The following KDM6A variants were observed in gnomAD, a reference collection of about 807,000 sequenced individuals.
The protein encoded by KDM6A is lysine-specific demethylase 6A.
In KDM6A, 11 loss-of-function variants were observed where a neutral mutation model predicts 117.6. The observed-to-expected ratio is 0.09, with a 90% confidence interval of 0.06 to 0.15. The LOEUF (loss-of-function observed/expected upper bound fraction) is 0.15. KDM6A is among the 10% of genes least tolerant of loss of function. KDM6A has a pLI of 1.00. For missense variants in KDM6A, 799 were observed against 1,077.3 expected, an observed-to-expected ratio of 0.74 and a Z score of 3.62; for synonymous variants, 384 against 396.1, an observed-to-expected ratio of 0.97 and a Z score of 0.36.
chrX:44,972,632 G>C (rs1186346556), intron 3 of KDM6A, among the ~76,000 whole-genome samples: 1 of 111,517 alleles, frequency 9.0e-6, no homozygotes, highest in Non-Finnish European at 1.9e-5. Context: ...GCTGGGGCAT[G>C]TGTGACTCTT....
At chrX:45,098,487 G>C (rs779086935) in intron 27 of KDM6A, among the ~76,000 whole-genome samples, 43 of 112,924 alleles carry the variant, frequency 3.8e-4, no homozygotes, top group Non-Finnish European at 7.1e-4. Context: ...TGGAACATTT[G>C]TGCTTGTTGT....
chrX:44,962,446 A>G (rs2038721342), intron 3 of KDM6A, among the ~76,000 whole-genome samples: 2 of 111,961 alleles, frequency 1.8e-5, no homozygotes, highest in Non-Finnish European at 3.8e-5. Flanking sequence ...ATGGATTTTC[A>G]GATTGTGTGA....
chrX:44,901,144 G>C (rs1448440427), intron 2 of KDM6A, among the ~76,000 whole-genome samples: 1 of 111,397 alleles, frequency 9.0e-6, no homozygotes, highest in Non-Finnish European at 1.9e-5. Flanking sequence ...ACTTTGGGAG[G>C]CCATGGCGGG....
intron 18 of KDM6A, 46 bp downstream of exon 18, chrX:45,070,403 G>T: frequency 8.9e-7 from 1 of 1,123,538 alleles, no homozygotes. Context: ...TGACTTACTG[G>T]CATGATCAGA....
At chrX:44,938,504 G>GT (rs1299910286) in intron 2 of KDM6A, among the ~76,000 whole-genome samples, 1 of 112,065 alleles carries the variant, frequency 8.9e-6, no homozygotes, top group East Asian at 2.8e-4. Context: ...GCAGAGGTTG[G>GT]TTCATGAGGT....
chrX:45,016,039 A>G (rs2041947470), intron 5 of KDM6A, among the ~76,000 whole-genome samples: 1 of 111,847 alleles, frequency 8.9e-6, no homozygotes, highest in Non-Finnish European at 1.9e-5. Flanking sequence ...CCTCACATTT[A>G]AGGTCATTTC....
chrX:44,905,113 G>A (rs1346514901), intron 2 of KDM6A, among the ~76,000 whole-genome samples: 1 of 111,678 alleles, frequency 9.0e-6, no homozygotes. Flanking sequence ...TTTTAAATAT[G>A]TCTTTTCTTC....
chrX:45,010,920 A>G (rs373096658), intron 4 of KDM6A, 41 bp from the exon 5 acceptor site: 2 of 970,027 alleles, frequency 2.1e-6, no homozygotes, highest in Non-Finnish European at 3.0e-6. Flanking sequence ...TATGTTAGAT[A>G]CAAGTATTTT....
intron 2 of KDM6A, among the ~76,000 whole-genome samples, chrX:44,917,652 A>G (rs2035644349): frequency 8.9e-6 from 1 of 111,817 alleles, no homozygotes; most frequent in South Asian, 3.7e-4. Context: ...GCTTCCTTAT[A>G]TGAGATAGGC....
rs190077325 is a variant in KDM6A at position 44,883,236 on chromosome X, T to G, written c.225+9249T>G. Among the ~76,000 whole-genome samples, 102 of 109,439 alleles carry G rather than the reference T, an allele frequency of 9.3e-4. 1 individual carries two copies. Among genetic ancestry groups the G allele is most frequent in the Admixed American group, 4.7e-3 (48 of 10,133 alleles). On this transcript the variant is annotated intron_variant, in intron 2 of 29. Coordinates refer to ENST00000611820, the MANE Select transcript of KDM6A (RefSeq NM_001291415.2). The stretch of plus-strand genomic sequence containing the variant: ...AGCGTGAACCACCAAGCCTGGCTAC[T>G]TTTTTGTATTTTTTTGTAGAGACAG...
chrX:44,969,499 G>C (rs891123902), intron 3 of KDM6A, among the ~76,000 whole-genome samples: 1 of 94,294 alleles, frequency 1.1e-5, no homozygotes, highest in African/African-American at 4.1e-5. Context: ...CTCACTGCAA[G>C]CTCTGCCTCC....
chrX:44,982,768 T>C (rs2039975906), intron 4 of KDM6A, among the ~76,000 whole-genome samples: 2 of 111,954 alleles, frequency 1.8e-5, no homozygotes, highest in Non-Finnish European at 3.8e-5. Flanking sequence ...GGTTTTCTTC[T>C]GTATGGTCTT....
intron 27 of KDM6A, among the ~76,000 whole-genome samples, chrX:45,104,864 A>G (rs1363991545): frequency 1.8e-5 from 2 of 112,283 alleles, no homozygotes; most frequent in Admixed American, 9.4e-5. Flanking sequence ...CTGACTACTT[A>G]TGGCTTAATA....
intron 2 of KDM6A, among the ~76,000 whole-genome samples, chrX:44,909,545 A>G (rs942450094): frequency 3.6e-5 from 4 of 110,973 alleles, no homozygotes; most frequent in African/African-American, 9.9e-5. Context: ...TTTATTTACC[A>G]TTCTCTGTTT....
At chrX:44,931,310 T>C (rs191511785) in intron 2 of KDM6A, among the ~76,000 whole-genome samples, 38 of 111,384 alleles carry the variant, frequency 3.4e-4, no homozygotes, top group African/African-American at 1.1e-3. Flanking sequence ...CTTCAGGTGA[T>C]CTGCCTGCCT....
chrX:44,941,023 G>A (rs910230676), intron 2 of KDM6A, among the ~76,000 whole-genome samples: 3 of 110,774 alleles, frequency 2.7e-5, no homozygotes, highest in African/African-American at 9.9e-5. Context: ...CAATAAGACC[G>A]AAACTCTGTC....
intron 2 of KDM6A, among the ~76,000 whole-genome samples, chrX:44,905,125 A>G (rs981296537): frequency 8.9e-6 from 1 of 111,923 alleles, no homozygotes; most frequent in Admixed American, 9.5e-5. Flanking sequence ...CTTTTCTTCT[A>G]TGTTGAAAAT....
intron 2 of KDM6A, among the ~76,000 whole-genome samples, chrX:44,951,683 T>C (rs2038016061): frequency 9.0e-6 from 1 of 110,936 alleles, no homozygotes; most frequent in Non-Finnish European, 1.9e-5. Flanking sequence ...CTTTTCTGCT[T>C]GGTGTGGAGT....
At chrX:44,889,959 G>A (rs1329501759) in intron 2 of KDM6A, among the ~76,000 whole-genome samples, 4 of 112,288 alleles carry the variant, frequency 3.6e-5, no homozygotes, top group African/African-American at 1.3e-4. Context: ...TTGCAAAACT[G>A]TGGTACAGTA....
Sources: gnomAD v4.1 joint callset for allele counts (sites outside exome capture counted in the v4.1 genomes callset) on GRCh38, gnomAD v4.1.1 for gene constraint, MANE v1.5 for transcripts, NCBI Gene and HGNC (gene_info 2026-07-23, HGNC 2026-07-21) for gene names.